Variants in MAPK10 observed in about 807,000 individuals in gnomAD.
MAPK10 encodes JNK3 alpha protein kinase.
Under a neutral mutation model 59.3 loss-of-function variants are expected in MAPK10, and 25 were observed. The ratio of observed to expected loss-of-function variants is 0.42; its 90% CI spans 0.31 to 0.59. The LOEUF is 0.59. Among genes scored for constraint, MAPK10 ranks in the 20% least tolerant of loss-of-function variants. MAPK10 has a pLI of 0.15. For synonymous variants in MAPK10, 190 were observed against 200.5 expected (o/e 0.95, Z 0.44); for missense variants, 351 against 568.9 (o/e 0.62, Z 3.90).
intron 1 of MAPK10, among the ~76,000 whole-genome samples, chr4:86,585,771 G>A (rs1762616963): frequency 6.6e-6 from 1 of 152,122 alleles, no homozygotes; most frequent in Non-Finnish European, 1.5e-5. Flanking sequence ...ACTAGTCTCT[G>A]TAGATATGAC....
At chr4:86,092,972 T>C (rs753466874) in intron 9 of MAPK10, among the ~76,000 whole-genome samples, 3 of 152,034 alleles carry the variant, frequency 2.0e-5, no homozygotes, top group Non-Finnish European at 2.9e-5. Flanking sequence ...TTGAGTAAAT[T>C]TTGGTGTTAC....
chr4:86,250,689 A>T (rs1446602774), intron 2 of MAPK10, among the ~76,000 whole-genome samples: 1 of 152,168 alleles, frequency 6.6e-6, no homozygotes, highest in East Asian at 1.9e-4. Context: ...AGAAAGTAAA[A>T]AAAAGTAAAC....
At chr4:86,583,300 G>A (rs1175965037) in intron 1 of MAPK10, among the ~76,000 whole-genome samples, 1 of 152,024 alleles carries the variant, frequency 6.6e-6, no homozygotes, top group Non-Finnish European at 1.5e-5. Context: ...TGGGATTACA[G>A]GCGTGAGTCA....
chr4:86,532,841 T>C (rs1246459624), intron 1 of MAPK10, among the ~76,000 whole-genome samples: 1 of 152,232 alleles, frequency 6.6e-6, no homozygotes, highest in African/African-American at 2.4e-5. Flanking sequence ...CTCACACCAG[T>C]GGCCTCTGCC....
At chr4:86,466,498 T>C (rs1216886891) in intron 1 of MAPK10, among the ~76,000 whole-genome samples, 2 of 152,230 alleles carry the variant, frequency 1.3e-5, no homozygotes, top group African/African-American at 4.8e-5. Flanking sequence ...TGTGTGTGTG[T>C]CTTTAATTTC....
At chr4:86,218,583 A>AAC (rs1186235419) in intron 2 of MAPK10, among the ~76,000 whole-genome samples, 6 of 150,090 alleles carry the variant, frequency 4.0e-5, no homozygotes, top group Non-Finnish European at 5.9e-5. Context: ...AAAAAAAAAA[A>AAC]AAAACACTTT....
chr4:86,248,388 T>C (rs17011592), intron 2 of MAPK10, among the ~76,000 whole-genome samples: 21,041 of 152,258 alleles, frequency 0.14, 1,465 homozygotes, highest in Middle Eastern at 0.17. Context: ...AGAAAACTTA[T>C]CAAGATAACT....
chr4:86,172,491 G>A lies in MAPK10; in HGVS notation c.67-13024C>T, dbSNP rs537826064. On this transcript the variant is annotated intron_variant, in intron 3 of 13. Coordinates refer to ENST00000641462, the MANE Select transcript of MAPK10 (RefSeq NM_138982.4). ...TTGCGAGGACAAAAAACCAAACACC[G>A]CATGTTCTCACTCATGGGTGGGAAT... is the stretch of plus-strand genomic sequence containing the variant. Among the ~76,000 whole-genome samples, 827 of 150,700 alleles carry A rather than the reference G, an allele frequency of 5.5e-3. 9 individuals are homozygous for A. Among genetic ancestry groups the A allele is most frequent in the African/African-American group, 0.02 (796 of 40,640 alleles).
intron 1 of MAPK10, among the ~76,000 whole-genome samples, chr4:86,374,529 T>C (rs1269875227): frequency 5.3e-5 from 8 of 152,160 alleles, no homozygotes; most frequent in African/African-American, 1.9e-4. Context: ...AAGGTGGCAG[T>C]CAGAGCAGCT....
intron 8 of MAPK10, chr4:86,098,994 A>G (rs1204314594): frequency 1.8e-5 from 3 of 167,718 alleles, no homozygotes; most frequent in Non-Finnish European, 3.9e-5. Context: ...AGAGTTGGCT[A>G]TTTTCATTTT....
intron 2 of MAPK10, among the ~76,000 whole-genome samples, chr4:86,232,566 G>C (rs778026213): frequency 6.6e-6 from 1 of 151,954 alleles, no homozygotes; most frequent in Non-Finnish European, 1.5e-5. Flanking sequence ...GTAGAGACAG[G>C]GTTTCACCAT....
At chr4:86,463,419 A>C (rs1751918330) in intron 1 of MAPK10, among the ~76,000 whole-genome samples, 1 of 152,232 alleles carries the variant, frequency 6.6e-6, no homozygotes, top group South Asian at 2.1e-4. Flanking sequence ...TAGGGCAAGC[A>C]ATTGAACCTA....
At chr4:86,405,248 T>A (rs1471006290) in intron 1 of MAPK10, among the ~76,000 whole-genome samples, 1 of 152,202 alleles carries the variant, frequency 6.6e-6, no homozygotes, top group Non-Finnish European at 1.5e-5. Flanking sequence ...TAAGATGATC[T>A]CTCATATTTT....
chr4:86,149,260 ATTTG>A (rs1270051369), intron 4 of MAPK10, among the ~76,000 whole-genome samples: 2 of 151,798 alleles, frequency 1.3e-5, no homozygotes, highest in Non-Finnish European at 2.9e-5. Flanking sequence ...ATTGGATTTT[ATTTG>A]TTTATTTATT....
At chr4:86,167,180 C>T (rs2072042277) in intron 3 of MAPK10, among the ~76,000 whole-genome samples, 1 of 152,104 alleles carries the variant, frequency 6.6e-6, no homozygotes, top group African/African-American at 2.4e-5. Flanking sequence ...GAAGTCAAAT[C>T]CTTGAATAGA....
At chr4:86,380,183 T>C (rs1433130793) in intron 1 of MAPK10, among the ~76,000 whole-genome samples, 1 of 151,998 alleles carries the variant, frequency 6.6e-6, no homozygotes, top group Non-Finnish European at 1.5e-5. Flanking sequence ...GATTGCACCA[T>C]TGCATTCCAG....
At chr4:86,301,505 G>A (rs558230487) in intron 2 of MAPK10, among the ~76,000 whole-genome samples, 1 of 152,106 alleles carries the variant, frequency 6.6e-6, no homozygotes, top group African/African-American at 2.4e-5. Context: ...ACTGTCAACT[G>A]AAGCTCCATA....
chr4:86,099,693 A>G (rs2054955761), intron 8 of MAPK10: 1 of 152,292 alleles, frequency 6.6e-6, no homozygotes, highest in South Asian at 2.1e-4. Flanking sequence ...AATACCAGCT[A>G]TTGGTAGTGC....
chr4:86,556,431 T>C (rs955274572), intron 1 of MAPK10, among the ~76,000 whole-genome samples: 10 of 152,168 alleles, frequency 6.6e-5, no homozygotes, highest in Non-Finnish European at 1.3e-4. Flanking sequence ...CATTTATTGT[T>C]TGACATAAGA....
Sources: gnomAD v4.1 joint callset for allele counts (sites outside exome capture counted in the v4.1 genomes callset) on GRCh38, gnomAD v4.1.1 for gene constraint, MANE v1.5 for transcripts, NCBI Gene and HGNC (gene_info 2026-07-23, HGNC 2026-07-21) for gene names.